FHDC1: variants seen among roughly 807,000 people sequenced by gnomAD.
FHDC1 encodes the protein FH2 domain-containing protein 1.
FHDC1 carries 25 observed loss-of-function variants against 52.6 expected under a neutral mutation model. That is an observed-to-expected ratio of 0.48 (90% CI 0.35 to 0.66). The LOEUF is 0.66. FHDC1 is among the 30% of genes least tolerant of loss of function. The probability of loss-of-function intolerance (pLI) is 0.01; values close to 1 mark genes in which losing one functional copy is unlikely to be tolerated. For synonymous variants in FHDC1, 616 were observed against 581.5 expected (o/e 1.06, Z -0.85); for missense variants, 1,459 against 1,452.8 (o/e 1.00, Z -0.07).
At chr4:152,972,971 C>T (rs568410023) in intron 11 of FHDC1, among the ~76,000 whole-genome samples, 7 of 152,310 alleles carry the variant, frequency 4.6e-5, no homozygotes, top group Admixed American at 4.6e-4. Flanking sequence ...CCTCCCTTTC[C>T]CTTCTTCCAA....
rs1306204301 is a variant in FHDC1 at position 152,976,733 on chromosome 4, GTCCTC to G, written c.*15_*19del. 1.4e-6 allele frequency: 2 copies of G among 1,462,996 alleles called. No individual in the cohort carries two copies. 90.6% of individuals were successfully genotyped at this position (1,462,996 alleles called of 1,614,324 possible). ...TCCCTTACGGAAGTGATGGGTGCCT[GTCCTC>G]TCCTGCCTCCTGGGATTCAGACGGT... On this transcript the variant is annotated 3_prime_UTR_variant, in exon 12 of 12. Coordinates refer to ENST00000511601, the MANE Select transcript of FHDC1 (RefSeq NM_001371116.1).
At position 152,963,052 on chromosome 4, in the gene FHDC1, T is replaced by C. The variant is rs370344776; in HGVS notation, c.951T>C (p.Phe317=). ...GGTATGCCGGCAATGCAGTAGGATT[T>C]AAACTGTCTTCTTTGCTCAAATTGG... ...AGGYAGNAVG[F]KLSSLLKLAD... Residue 317 remains phenylalanine (F), a synonymous_variant, in exon 8 of 12, where the codon TTT becomes TTC. Transcript: ENST00000511601. 6.2e-7 allele frequency: 1 copy of C among 1,613,768 alleles called. No individual in the cohort carries two copies. Among genetic ancestry groups the C allele is most frequent in the Non-Finnish European group, 8.5e-7 (1 of 1,180,012 alleles).
At chr4:152,966,378 A>G (rs539521586) in intron 9 of FHDC1, among the ~76,000 whole-genome samples, 1 of 152,220 alleles carries the variant, frequency 6.6e-6, no homozygotes, top group Non-Finnish European at 1.5e-5. Flanking sequence ...GCATGAATGC[A>G]TCCTAATTTA....
intron 2 of FHDC1, among the ~76,000 whole-genome samples, chr4:152,952,092 A>T (rs1739942540): frequency 6.6e-6 from 1 of 152,168 alleles, no homozygotes; most frequent in African/African-American, 2.4e-5. Flanking sequence ...ACAGCACAAG[A>T]TTTTTCGTTT....
chr4:152,966,671 A>G (rs1740466059), intron 9 of FHDC1, among the ~76,000 whole-genome samples: 1 of 152,158 alleles, frequency 6.6e-6, no homozygotes, highest in South Asian at 2.1e-4. Flanking sequence ...CATACTGGCC[A>G]GGCTGGTCTC....
At chr4:152,939,024 C>T (rs1739499186) in intron 1 of FHDC1, among the ~76,000 whole-genome samples, 1 of 152,174 alleles carries the variant, frequency 6.6e-6, no homozygotes, top group African/African-American at 2.4e-5. Context: ...TGAGATGAAG[C>T]CTATATACTC....
In FHDC1 at chr4:152,976,167, G is replaced by A; in HGVS notation, c.2876G>A (p.Arg959Gln). ...GGCGCCGAAGAGCAGAGGCTGCCGCGGGGGAGCAGCGGCTCCAGCAGCACC... is the reference window on the plus strand; with the variant it reads ...GGCGCCGAAGAGCAGAGGCTGCCGCAGGGGAGCAGCGGCTCCAGCAGCACC... ...STGAEEQRLP[R>Q]GSSGSSSTRP... is the part of the protein sequence containing the mutation. The change falls in exon 12 of 12, where the codon CGG becomes CAG. Residue 959 changes from arginine (R) to glutamine (Q), a missense_variant. Around this residue, in one of 3 missense-constraint regions of FHDC1, gnomAD observed 939 missense variants for 854.5 expected, o/e 1.10. Transcript: ENST00000511601. 1 of 1,612,042 alleles carries A rather than the reference G, an allele frequency of 6.2e-7. No individual in the cohort carries two copies. The highest frequency in any genetic ancestry group is 2.2e-5 in the East Asian group (1 of 44,850).
the FHDC1 span, among the ~76,000 whole-genome samples, chr4:152,918,148 A>G: frequency 1.3e-5 from 2 of 152,190 alleles, no homozygotes; most frequent in African/African-American, 2.4e-5. Context: ...TGGAGTCACT[A>G]TTTATGCTTA....
rs1382918349 is a variant in FHDC1 at position 152,963,125 on chromosome 4, G to A, written c.1024G>A (p.Ala342Thr). 2 of 1,613,506 alleles carry A rather than the reference G, an allele frequency of 1.2e-6. No homozygotes were observed. Among genetic ancestry groups the A allele is most frequent in the Non-Finnish European group, 1.7e-6 (2 of 1,179,760 alleles). ...KPGMNLLHFV[A>T]QEAQKKDTIL... ...TGGGATGAATCTCCTGCACTTTGTT[G>A]CACAGGTATGTGGAAATGATTAGGA... Residue 342 changes from alanine (A) to threonine (T), a missense_variant, in exon 8 of 12, where the codon GCA becomes ACA. By Grantham distance (58) the Ala-to-Thr change is moderately conservative. Coordinates refer to ENST00000511601, the MANE Select transcript of FHDC1 (RefSeq NM_001371116.1).
At position 152,974,707 on chromosome 4, in the gene FHDC1, G is replaced by A; in HGVS notation, c.1416G>A (p.Arg472=). Reference sequence around the variant, plus strand: ...ACGACCGGGAGGCGCAGGAGCTGAGGCAGCTGCAGAGGCTGAAGGAGCAGG... The same window carrying A: ...ACGACCGGGAGGCGCAGGAGCTGAGACAGCTGCAGAGGCTGAAGGAGCAGG... ...DNHDREAQEL[R]QLQRLKEQEQ... is the part of the protein sequence containing the mutation. The change falls in exon 12 of 12, where the codon AGG becomes AGA. Residue 472 remains arginine (R), a synonymous_variant. Coordinates refer to ENST00000511601, the MANE Select transcript of FHDC1 (RefSeq NM_001371116.1). 33 of 1,512,366 alleles carry A rather than the reference G, an allele frequency of 2.2e-5. No homozygotes were observed. The highest frequency in any genetic ancestry group is 2.9e-5 in the Non-Finnish European group (33 of 1,130,690). 93.7% of individuals were successfully genotyped at this position (1,512,366 alleles called of 1,614,324 possible). A position where few individuals can be genotyped will look rare whatever the true frequency, so the allele number is the denominator to read the frequency against.
chr4:152,942,230 A>C (rs908045904), intron 1 of FHDC1, among the ~76,000 whole-genome samples: 1 of 152,190 alleles, frequency 6.6e-6, no homozygotes, highest in African/African-American at 2.4e-5. Flanking sequence ...GTGTTCTCCT[A>C]ATTTTACAAA....
chr4:152,936,161 G>A (rs896216626), upstream of FHDC1, among the ~76,000 whole-genome samples: 2 of 152,098 alleles, frequency 1.3e-5, no homozygotes, highest in Non-Finnish European at 2.9e-5. Flanking sequence ...TGACGGTGGC[G>A]CGCGTAGGGT....
Position 152,963,129 on chromosome 4 carries a change from A to ATGT in FHDC1, c.1028_1029insTGT (p.Gln343delinsHisVal). The stretch of plus-strand genomic sequence containing the variant: ...ATGAATCTCCTGCACTTTGTTGCAC[A>ATGT]GGTATGTGGAAATGATTAGGACTTA... On this transcript the variant is annotated protein_altering_variant and splice_region_variant, in exon 8 of 12. Coordinates refer to ENST00000511601, the MANE Select transcript of FHDC1 (RefSeq NM_001371116.1). 1 of 1,613,474 alleles carries ATGT rather than the reference A, an allele frequency of 6.2e-7. No individual in the cohort carries two copies. The highest frequency in any genetic ancestry group is 2.2e-5 in the East Asian group (1 of 44,878).
intron 2 of FHDC1, among the ~76,000 whole-genome samples, chr4:152,947,810 AAGAG>A (rs3076048): frequency 0.58 from 86,407 of 149,990 alleles, 24,935 homozygotes; most frequent in South Asian, 0.71. Context: ...AAGACCACAG[AAGAG>A]AGAGAGAGAG....
At position 152,976,866 on chromosome 4, in the gene FHDC1, CAGTCCAGG is replaced by C; in HGVS notation, c.*146_*153del. 8.7e-7 allele frequency: 1 copy of C among 1,151,090 alleles called. No homozygotes were observed. The highest frequency in any genetic ancestry group is 1.2e-6 in the Non-Finnish European group (1 of 847,182). 71.3% of individuals were successfully genotyped at this position (1,151,090 alleles called of 1,614,324 possible). On this transcript the variant is annotated 3_prime_UTR_variant, in exon 12 of 12. Transcript: ENST00000511601. Reference sequence around the variant, plus strand: ...TGCTAGTGACGCTGTTGGGATGGCACAGTCCAGGAGGCCTGTGGACTGCAGCCTGCTGT... The same window carrying C: ...TGCTAGTGACGCTGTTGGGATGGCACAGGCCTGTGGACTGCAGCCTGCTGT...
At chr4:152,922,287 C>A in the FHDC1 span, among the ~76,000 whole-genome samples, 19 of 151,962 alleles carry the variant, frequency 1.3e-4, no homozygotes, top group African/African-American at 4.6e-4. Flanking sequence ...GACACATACA[C>A]CCTCCCAAGA....
intron 2 of FHDC1, 141 bp downstream of exon 2, chr4:152,943,696 G>C (rs1189987467): frequency 2.9e-6 from 3 of 1,023,536 alleles, no homozygotes; most frequent in Non-Finnish European, 4.2e-6. Flanking sequence ...ATGCTAGGCA[G>C]GGTCTTTACG....
At position 152,976,047 on chromosome 4, in the gene FHDC1, G is replaced by A; in HGVS notation, c.2756G>A (p.Arg919Gln). Residue 919 changes from arginine to glutamine, a missense_variant, in exon 12 of 12, where the codon CGA becomes CAA. Around this residue, in one of 3 missense-constraint regions of FHDC1, gnomAD observed 939 missense variants for 854.5 expected, o/e 1.10. Coordinates refer to ENST00000511601, the MANE Select transcript of FHDC1 (RefSeq NM_001371116.1). ...TKSSRGAGWR[R>Q]PELSSRGPSQ... ...TCCAGCAGAGGCGCCGGCTGGAGGC[G>A]ACCAGAGCTGTCATCCCGGGGGCCC... 1.3e-6 allele frequency: 2 copies of A among 1,584,528 alleles called. No individual in the cohort carries two copies. Among genetic ancestry groups the A allele is most frequent in the Non-Finnish European group, 1.7e-6 (2 of 1,167,860 alleles).
intron 8 of FHDC1, among the ~76,000 whole-genome samples, chr4:152,963,894 G>A (rs1386414591): frequency 6.9e-6 from 1 of 144,540 alleles, no homozygotes; most frequent in Non-Finnish European, 1.5e-5. Context: ...TCAGCTAATG[G>A]AACTGATTGG....
Sources: gnomAD v4.1 joint callset for allele counts (sites outside exome capture counted in the v4.1 genomes callset) on GRCh38, gnomAD v4.1.1 for gene constraint, gnomAD v4.1.1 regional missense constraint, MANE v1.5 for transcripts, NCBI Gene and HGNC (gene_info 2026-07-23, HGNC 2026-07-21) for gene names.